DPYSL3: variants seen among roughly 807,000 people sequenced by gnomAD.
DPYSL3 encodes the protein dihydropyrimidinase like 3.
In DPYSL3, 16 loss-of-function variants were observed where a neutral mutation model predicts 66.1. The ratio of observed to expected loss-of-function variants is 0.24; its 90% CI spans 0.16 to 0.37. The LOEUF (loss-of-function observed/expected upper bound fraction) is 0.37. Among genes scored for constraint, DPYSL3 ranks in the 10% least tolerant of loss-of-function variants. The pLI is 1.00. For missense variants in DPYSL3, 738 were observed against 916.2 expected, an observed-to-expected ratio of 0.81 and a Z score of 2.51; for synonymous variants, 338 against 345.1, an observed-to-expected ratio of 0.98 and a Z score of 0.23.
intron 1 of DPYSL3, among the ~76,000 whole-genome samples, chr5:147,446,646 A>G (rs1752635036): frequency 6.6e-6 from 1 of 152,240 alleles, no homozygotes. Context: ...ATAGAGAGTG[A>G]GAAAGGGCCT....
chr5:147,455,508 T>C (rs1752834401), intron 1 of DPYSL3, among the ~76,000 whole-genome samples: 1 of 152,244 alleles, frequency 6.6e-6, no homozygotes, highest in South Asian at 2.1e-4. Context: ...TTTGCTTTGT[T>C]CTTAAAGCGT....
chr5:147,445,215 G>C (rs142443667), intron 1 of DPYSL3, among the ~76,000 whole-genome samples: 1 of 152,306 alleles, frequency 6.6e-6, no homozygotes, highest in East Asian at 1.9e-4. Context: ...GGAAGAAAAA[G>C]AGGACTGGAG....
chr5:147,464,290 A>G (rs1752980926), intron 1 of DPYSL3, among the ~76,000 whole-genome samples: 1 of 152,212 alleles, frequency 6.6e-6, no homozygotes, highest in Admixed American at 6.5e-5. Flanking sequence ...GGGAAGAAGC[A>G]GGAGTGATCC....
At chr5:147,453,245 G>C (rs1399409227) in intron 1 of DPYSL3, among the ~76,000 whole-genome samples, 1 of 152,234 alleles carries the variant, frequency 6.6e-6, no homozygotes, top group Non-Finnish European at 1.5e-5. Context: ...AGTGGTCCTG[G>C]GAGAGCCGCG....
At chr5:147,398,936 T>G in intron 11 of DPYSL3, 146 bp downstream of exon 11, 1 of 1,134,210 alleles carries the variant, frequency 8.8e-7, no homozygotes. Context: ...GTTGAGGTTT[T>G]GAGCCACTGA....
At position 147,453,459 on chromosome 5, in the gene DPYSL3, A is replaced by G. The variant is rs58633172; in HGVS notation, c.382-28496T>C. On this transcript the variant is annotated intron_variant, in intron 1 of 13. Coordinates refer to ENST00000343218, the MANE Select transcript of DPYSL3 (RefSeq NM_001197294.2). ...CGTCCCTCCCCGGGGACCAGGCCAG[A>G]GAAGCCGGCGGGATCCGAGCCGACC... The G allele has an allele frequency of 9.4e-3, 13,762 of 1,457,070 alleles. 997 individuals carry two copies. The African/African-American group carries it at 0.17, about 18-fold the overall frequency. 90.3% of individuals were successfully genotyped at this position (1,457,070 alleles called of 1,614,324 possible).
At chr5:147,394,376 A>C (rs1198700838) in intron 13 of DPYSL3, among the ~76,000 whole-genome samples, 1 of 152,186 alleles carries the variant, frequency 6.6e-6, no homozygotes, top group African/African-American at 2.4e-5. Context: ...TGATAATAAT[A>C]CTGGGAAGAA....
intron 6 of DPYSL3, among the ~76,000 whole-genome samples, chr5:147,411,644 G>A (rs186451042): frequency 1.3e-5 from 2 of 152,286 alleles, no homozygotes; most frequent in South Asian, 2.1e-4. Context: ...ACAGTAGTCA[G>A]TGCTCACCAA....
intron 1 of DPYSL3, among the ~76,000 whole-genome samples, chr5:147,462,202 G>C (rs945202851): frequency 2.0e-5 from 3 of 152,120 alleles, no homozygotes; most frequent in African/African-American, 7.3e-5. Flanking sequence ...CCTAGCAAAT[G>C]AGTGCTGTTT....
chr5:147,420,873 A>C (rs1190289751), intron 2 of DPYSL3, among the ~76,000 whole-genome samples: 1 of 152,156 alleles, frequency 6.6e-6, no homozygotes, highest in Admixed American at 6.5e-5. Flanking sequence ...AGATCCCTGA[A>C]GCACCATGTG....
At chr5:147,402,862 T>C (rs1216628789) in intron 8 of DPYSL3, among the ~76,000 whole-genome samples, 2 of 152,270 alleles carry the variant, frequency 1.3e-5, no homozygotes, top group African/African-American at 4.8e-5. Context: ...GGAATAGTGA[T>C]ATAGAAAGCA....
At chr5:147,483,059 A>G (rs995890708) in intron 1 of DPYSL3, among the ~76,000 whole-genome samples, 2 of 152,150 alleles carry the variant, frequency 1.3e-5, no homozygotes, top group African/African-American at 4.8e-5. Context: ...TGGGATTACA[A>G]TTCAAGATGA....
Position 147,415,859 on chromosome 5 carries a change from G to C in DPYSL3, c.670C>G (p.Pro224Ala), listed in dbSNP as rs775183154. The change falls in exon 4 of 14, where the codon CCT (proline) becomes GCT (alanine). Residue 224 changes from proline to alanine, a missense_variant. Transcript: ENST00000343218. ...TCAGTCAGGCTGGACTCAGGCTCAG[G>C]CACCACATGGTCAACTGAATGACAG... The part of the protein sequence containing the change: ...GTTMIIDHVV[P>A]EPESSLTEAY... 30 of 1,613,668 alleles carry C rather than the reference G, an allele frequency of 1.9e-5. 1 individual carries two copies. In the South Asian group the frequency reaches 3.3e-4, roughly 18 times the overall value.
In DPYSL3 at chr5:147,503,721, A is replaced by T. The variant is rs150588743; in HGVS notation, c.381+5757T>A. On this transcript the variant is annotated intron_variant, in intron 1 of 13. Transcript: ENST00000343218. ...TTTCGTTTAAAGATGCACAATCAAGAAAGTTTACAAGAAGACCATTACTAT... is the reference window on the plus strand; with the variant it reads ...TTTCGTTTAAAGATGCACAATCAAGTAAGTTTACAAGAAGACCATTACTAT... Among the ~76,000 whole-genome samples the T allele has an allele frequency of 9.5e-3, 1,440 of 152,350 alleles. 28 individuals are homozygous for T. The highest frequency in any genetic ancestry group is 0.033 in the African/African-American group (1,353 of 41,584).
intron 2 of DPYSL3, among the ~76,000 whole-genome samples, chr5:147,419,603 C>T (rs1488617701): frequency 6.6e-6 from 1 of 152,158 alleles, no homozygotes; most frequent in Non-Finnish European, 1.5e-5. Flanking sequence ...CATTAAAAAT[C>T]TCCTACCTTG....
At chr5:147,404,063 G>C (rs1182120025) in intron 8 of DPYSL3, among the ~76,000 whole-genome samples, 1 of 152,086 alleles carries the variant, frequency 6.6e-6, no homozygotes, top group East Asian at 1.9e-4. Flanking sequence ...AGTTGGCAGG[G>C]GTGTGTGTGT....
At chr5:147,493,498 G>A (rs1029511674) in intron 1 of DPYSL3, among the ~76,000 whole-genome samples, 8 of 151,930 alleles carry the variant, frequency 5.3e-5, no homozygotes, top group Non-Finnish European at 1.0e-4. Flanking sequence ...GATCACTTGG[G>A]CCTAGGAAGT....
At chr5:147,399,423 G>A (rs571005648) in intron 10 of DPYSL3, among the ~76,000 whole-genome samples, 171 bp from the exon 11 acceptor site, 81 of 152,324 alleles carry the variant, frequency 5.3e-4, no homozygotes, top group African/African-American at 1.9e-3. Context: ...TAGCTGGGCT[G>A]TCGTGACTAC....
chr5:147,397,955 A>G (rs1258475622), intron 11 of DPYSL3, 110 bp from the exon 12 acceptor site: 2 of 1,185,582 alleles, frequency 1.7e-6, no homozygotes, highest in Non-Finnish European at 2.3e-6. Flanking sequence ...CAGGTAAGCC[A>G]GGAAAAGCTC....
Sources: gnomAD v4.1 joint callset for allele counts (sites outside exome capture counted in the v4.1 genomes callset) on GRCh38, gnomAD v4.1.1 for gene constraint, MANE v1.5 for transcripts, NCBI Gene and HGNC (gene_info 2026-07-23, HGNC 2026-07-21) for gene names.